NOP58: variants seen among roughly 807,000 people sequenced by gnomAD.
NOP58 encodes NOP58 ribonucleoprotein.
A neutral mutation model predicts 71.2 loss-of-function variants in NOP58; 44 were observed. That is an observed-to-expected ratio of 0.62 (90% confidence interval 0.49 to 0.79). The LOEUF (loss-of-function observed/expected upper bound fraction) is 0.79. NOP58 is among the 30% of genes least tolerant of loss of function. The probability of loss-of-function intolerance (pLI) is 0.00; values close to 1 mark genes in which losing one functional copy is unlikely to be tolerated. For missense variants in NOP58, 538 were observed against 620.2 expected, an observed-to-expected ratio of 0.87 and a Z score of 1.41; for synonymous variants, 228 against 200.3, an observed-to-expected ratio of 1.14 and a Z score of -1.17.
chr2:202,266,123 C>T, intron 1 of NOP58, 137 bp downstream of exon 1: 1 of 960,760 alleles, frequency 1.0e-6, no homozygotes, highest in Non-Finnish European at 1.6e-6. Flanking sequence ...GGGAGAAGGC[C>T]TTTACACCTG....
intron 1 of NOP58, 122 bp from the exon 2 acceptor site, chr2:202,274,991 A>G (rs1278803150): frequency 1.4e-5 from 8 of 554,762 alleles, no homozygotes; most frequent in Non-Finnish European, 2.5e-5. Flanking sequence ...CTAGTTCATT[A>G]TCTTAGTGAA....
intron 10 of NOP58, among the ~76,000 whole-genome samples, chr2:202,296,071 C>T (rs1480986098): frequency 6.7e-6 from 1 of 148,426 alleles, no homozygotes. Flanking sequence ...GTATTTTTTT[C>T]CCCCCTAGAA....
At chr2:202,301,348 C>G (rs1022349537) in intron 13 of NOP58, among the ~76,000 whole-genome samples, 1 of 151,850 alleles carries the variant, frequency 6.6e-6, no homozygotes, top group Non-Finnish European at 1.5e-5. Context: ...CCACGCCCAG[C>G]TAATTTTTTT....
Position 202,290,305 on chromosome 2 carries a change from G to T in NOP58, c.500-18G>T, listed in dbSNP as rs376740362. ...AAATCCCTTTAAGTTTTGTTTGTTT[G>T]TTTTTAATCTACTACAGCCTTGTTA... On this transcript the variant is annotated intron_variant, in intron 6 of 14. Transcript: ENST00000264279. 1.3e-6 allele frequency: 2 copies of T among 1,571,674 alleles called. No homozygotes were observed. The highest frequency in any genetic ancestry group is 1.4e-5 in the African/African-American group (1 of 72,654).
Position 202,282,387 on chromosome 2 carries a change from A to G in NOP58, c.212A>G (p.Gln71Arg), listed in dbSNP as rs1427873769. ...TALMEGKINK[Q>R]LKKVLKKIVK... ...CTGATGGAGGGCAAAATCAATAAGC[A>G]GCTGAAAAAAGTTCTGAAGAAAATA... is the stretch of plus-strand genomic sequence containing the variant. The change falls in exon 4 of 15, where the codon CAG (glutamine) becomes CGG (arginine). Residue 71 changes from glutamine (Q) to arginine (R), a missense_variant. Gln to Arg is a conservative substitution (Grantham distance 43). Coordinates refer to ENST00000264279, the MANE Select transcript of NOP58 (RefSeq NM_015934.5). The G allele has an allele frequency of 6.2e-7, 1 of 1,613,204 alleles. No individual in the cohort carries two copies. Among genetic ancestry groups the G allele is most frequent in the Non-Finnish European group, 8.5e-7 (1 of 1,179,838 alleles).
At chr2:202,266,075 T>C in intron 1 of NOP58, 89 bp downstream of exon 1, 2 of 1,457,738 alleles carry the variant, frequency 1.4e-6, no homozygotes, top group South Asian at 1.1e-5. Flanking sequence ...CTACTCAGAG[T>C]AGCGTGGGTG....
intron 10 of NOP58, among the ~76,000 whole-genome samples, chr2:202,296,062 T>TG (rs1688987740): frequency 6.7e-6 from 1 of 149,378 alleles, no homozygotes; most frequent in Non-Finnish European, 1.5e-5. Context: ...ATTGTGTTAG[T>TG]ATTTTTTTCC....
At position 202,283,959 on chromosome 2, in the gene NOP58, A is replaced by G. The variant is rs1282062513; in HGVS notation, c.298-386A>G. On this transcript the variant is annotated intron_variant, in intron 4 of 14. Transcript: ENST00000264279. ...TCTTGTCCAACTGAGAAATGCGTAT[A>G]TTTAAATTAGTGCCACTTTAATATT... Among the ~76,000 whole-genome samples, 4 of 152,270 alleles carry G rather than the reference A, an allele frequency of 2.6e-5. No individual in the cohort carries two copies. The East Asian group carries it at 7.7e-4, about 29-fold the overall frequency.
intron 4 of NOP58, 44 bp from the exon 5 acceptor site, chr2:202,284,301 G>A (rs373603640): frequency 5.7e-4 from 820 of 1,426,246 alleles, no homozygotes; most frequent in Non-Finnish European, 7.3e-4. Context: ...CTTCAGGAAA[G>A]TCTTTTTTTT....
At chr2:202,286,520 A>G (rs1249170921) in intron 5 of NOP58, among the ~76,000 whole-genome samples, 3 of 152,230 alleles carry the variant, frequency 2.0e-5, no homozygotes, top group Non-Finnish European at 4.4e-5. Flanking sequence ...AAAACAAAAA[A>G]GAAACACTAC....
At chr2:202,280,836 A>G (rs2105843405) in intron 3 of NOP58, among the ~76,000 whole-genome samples, 1 of 142,802 alleles carries the variant, frequency 7.0e-6, no homozygotes, top group East Asian at 2.0e-4. Context: ...AGCTCACTGT[A>G]GTCTCTGCCT....
intron 2 of NOP58, among the ~76,000 whole-genome samples, chr2:202,275,940 A>C (rs1195324352): frequency 6.6e-6 from 1 of 152,168 alleles, no homozygotes; most frequent in Non-Finnish European, 1.5e-5. Flanking sequence ...AAGTGCTGGG[A>C]GTACAGGCGT....
At position 202,277,234 on chromosome 2, in the gene NOP58, G is replaced by C. The variant is rs1256293802; in HGVS notation, c.123-716G>C. Among the ~76,000 whole-genome samples, 3 of 152,046 alleles carry C rather than the reference G, an allele frequency of 2.0e-5. No homozygotes were observed. The East Asian group carries it at 5.8e-4, about 30-fold the overall frequency. On this transcript the variant is annotated intron_variant, in intron 2 of 14. Transcript: ENST00000264279. ...GCAGGAGAATGGCATGAACCTGGGA[G>C]GTGGAGTTTGCAGTGAGCCGAGATT... is the stretch of plus-strand genomic sequence containing the variant.
chr2:202,287,827 G>A (rs1688819150), intron 6 of NOP58, 103 bp downstream of exon 6: 4 of 950,264 alleles, frequency 4.2e-6, no homozygotes, highest in Admixed American at 3.9e-5. Context: ...GAAAGAGAAA[G>A]GAGGCCAGGT....
chr2:202,298,509 G>T (rs1054659412), intron 12 of NOP58, among the ~76,000 whole-genome samples: 1 of 152,080 alleles, frequency 6.6e-6, no homozygotes, highest in Admixed American at 6.5e-5. Context: ...AAAATTAACT[G>T]GGTGTGGTGG....
chr2:202,283,333 G>T (rs1481172128), intron 4 of NOP58, among the ~76,000 whole-genome samples: 2 of 152,056 alleles, frequency 1.3e-5, no homozygotes, highest in Non-Finnish European at 2.9e-5. Flanking sequence ...GGGTTCAAGG[G>T]ATTCCCCTGC....
At chr2:202,277,247 G>T (rs866887879) in intron 2 of NOP58, among the ~76,000 whole-genome samples, 9 of 151,896 alleles carry the variant, frequency 5.9e-5, no homozygotes, top group Admixed American at 2.0e-4. Flanking sequence ...GGAGTTTGCA[G>T]TGAGCCGAGA....
chr2:202,300,383 T>C lies in NOP58; in HGVS notation c.1402+16T>C, dbSNP rs199766478. On this transcript the variant is annotated intron_variant, in intron 13 of 14. Transcript: ENST00000264279. Reference sequence around the variant, plus strand: ...AAAGTTAAAGGTTAGTTTGAATTTTTTTTTTAACACAACTTATACTCACTT... The same window carrying C: ...AAAGTTAAAGGTTAGTTTGAATTTTCTTTTTAACACAACTTATACTCACTT... The C allele has an allele frequency of 6.3e-5, 99 of 1,570,758 alleles. No homozygotes were observed. The African/African-American group carries it at 1.2e-3, about 20-fold the overall frequency.
intron 4 of NOP58, 49 bp from the exon 5 acceptor site, chr2:202,284,295 AG>A: frequency 2.1e-6 from 3 of 1,425,120 alleles, no homozygotes; most frequent in Non-Finnish European, 1.9e-6. Flanking sequence ...TAACAACTTC[AG>A]GAAAGTCTTT....
Sources: gnomAD v4.1 joint callset for allele counts (sites outside exome capture counted in the v4.1 genomes callset) on GRCh38, gnomAD v4.1.1 for gene constraint, MANE v1.5 for transcripts, NCBI Gene and HGNC (gene_info 2026-07-23, HGNC 2026-07-21) for gene names.